ATRNL1: variants seen among roughly 807,000 people sequenced by gnomAD.
ATRNL1 encodes the protein attractin-like protein 1.
Under a neutral mutation model 182.7 loss-of-function variants are expected in ATRNL1, and 95 were observed. That is an observed-to-expected ratio of 0.52 (90% CI 0.44 to 0.62). The LOEUF (loss-of-function observed/expected upper bound fraction) is 0.62. ATRNL1 is among the 20% of genes least tolerant of loss of function. ATRNL1 has a pLI of 0.00. For missense variants in ATRNL1, 1,471 were observed against 1,679.5 expected (o/e 0.88, Z 2.17); for synonymous variants, 576 against 568.3 (o/e 1.01, Z -0.19).
In ATRNL1 at chr10:115,093,743, C is replaced by G; in HGVS notation, c.-8C>G. The G allele has an allele frequency of 1.4e-6, 2 of 1,413,278 alleles. No homozygotes were observed. The highest frequency in any genetic ancestry group is 9.2e-7 in the Non-Finnish European group (1 of 1,090,996). The allele number at this position is 1,413,278 out of a possible 1,614,324, so 87.5% of individuals were successfully genotyped here. On this transcript the variant is annotated 5_prime_UTR_variant, in exon 1 of 29. Coordinates refer to ENST00000355044, the MANE Select transcript of ATRNL1 (RefSeq NM_207303.4). The surrounding 1 kb of genome is among the most constrained non-coding windows in gnomAD (Gnocchi z 6.1). The stretch of plus-strand genomic sequence containing the variant: ...GCGCAGTCTCGCCGGGCAGGGGCGC[C>G]GGGGAAGATGGAGACTGGGGGCCGG...
chr10:115,942,098 C>T (rs1953748367), intron 28 of ATRNL1, among the ~76,000 whole-genome samples: 1 of 152,198 alleles, frequency 6.6e-6, no homozygotes, highest in African/African-American at 2.4e-5. Context: ...TCCTTGCTAA[C>T]ACCATAAATT....
chr10:115,174,154 T>A (rs1159720346), intron 8 of ATRNL1, among the ~76,000 whole-genome samples: 2 of 151,920 alleles, frequency 1.3e-5, no homozygotes, highest in African/African-American at 2.4e-5. Context: ...CTGTTTTGGT[T>A]TCACTTGATT....
chr10:115,909,440 C>T (rs1257570013), intron 28 of ATRNL1: 5 of 152,272 alleles, frequency 3.3e-5, no homozygotes, highest in Admixed American at 2.0e-4. Context: ...CTCAGGATAG[C>T]TCTACAGGGC....
At chr10:115,603,920 T>G (rs183470835) in intron 26 of ATRNL1, among the ~76,000 whole-genome samples, 2 of 152,306 alleles carry the variant, frequency 1.3e-5, no homozygotes, top group Admixed American at 1.3e-4. Context: ...TTACTGATTA[T>G]AGAATTCTAG....
chr10:115,596,867 A>G (rs1856275156), intron 26 of ATRNL1, among the ~76,000 whole-genome samples: 1 of 152,204 alleles, frequency 6.6e-6, no homozygotes, highest in African/African-American at 2.4e-5. Context: ...TTTATCAAAT[A>G]GGACTAGTTA....
At chr10:115,214,661 T>A (rs1849161864) in intron 8 of ATRNL1, among the ~76,000 whole-genome samples, 1 of 152,126 alleles carries the variant, frequency 6.6e-6, no homozygotes, top group Admixed American at 6.6e-5. Flanking sequence ...ATGATGGAGA[T>A]GTGATCTATA....
intron 19 of ATRNL1, among the ~76,000 whole-genome samples, chr10:115,351,663 T>C (rs1856256532): frequency 1.3e-5 from 2 of 152,190 alleles, no homozygotes; most frequent in East Asian, 3.8e-4. Context: ...AATATGTTGT[T>C]GAAATCAGTT....
intron 1 of ATRNL1, among the ~76,000 whole-genome samples, chr10:115,110,226 T>G (rs1844199501): frequency 1.3e-5 from 2 of 152,134 alleles, no homozygotes; most frequent in South Asian, 4.1e-4. Flanking sequence ...GTTATGTCAT[T>G]TGTCAAGAGG....
At chr10:115,396,526 A>G (rs1844297596) in intron 20 of ATRNL1, among the ~76,000 whole-genome samples, 1 of 151,952 alleles carries the variant, frequency 6.6e-6, no homozygotes, top group Non-Finnish European at 1.5e-5. Flanking sequence ...ATTCCCTGCA[A>G]TTATGTATAA....
At chr10:115,346,121 C>T (rs1855963006) in intron 19 of ATRNL1, among the ~76,000 whole-genome samples, 1 of 152,098 alleles carries the variant, frequency 6.6e-6, no homozygotes, top group Non-Finnish European at 1.5e-5. Flanking sequence ...ATAAAGTTTA[C>T]CATTTTAAAC....
At chr10:115,189,240 A>C (rs1159592270) in intron 8 of ATRNL1, among the ~76,000 whole-genome samples, 1 of 152,156 alleles carries the variant, frequency 6.6e-6, no homozygotes, top group Non-Finnish European at 1.5e-5. Flanking sequence ...ACATACAATT[A>C]TATATAGTAC....
chr10:115,115,569 T>C (rs560450519), intron 1 of ATRNL1, among the ~76,000 whole-genome samples: 1 of 152,092 alleles, frequency 6.6e-6, no homozygotes, highest in Non-Finnish European at 1.5e-5. Flanking sequence ...AAGGAATTAA[T>C]AAGCTGATAA....
intron 8 of ATRNL1, among the ~76,000 whole-genome samples, chr10:115,177,040 A>G (rs1406669585): frequency 6.6e-5 from 10 of 152,122 alleles, no homozygotes; most frequent in Admixed American, 6.5e-4. Context: ...ATTGAGCTAT[A>G]GGGTCCCCGA....
At position 115,547,242 on chromosome 10, in the gene ATRNL1, G is replaced by A. The variant is rs920940730; in HGVS notation, c.3717-2216G>A. Reference sequence around the variant, plus strand: ...TACACTTCAGCCTGGGTGACAGAGTGAGACTCCATCTCAAAAAAAAAATAT... The same window carrying A: ...TACACTTCAGCCTGGGTGACAGAGTAAGACTCCATCTCAAAAAAAAAATAT... On this transcript the variant is annotated intron_variant, in intron 25 of 28. Coordinates refer to ENST00000355044, the MANE Select transcript of ATRNL1 (RefSeq NM_207303.4). Among the ~76,000 whole-genome samples the A allele has an allele frequency of 9.7e-5, 14 of 143,732 alleles. No individual in the cohort carries two copies. The South Asian group carries it at 2.0e-3, about 20-fold the overall frequency. The allele number at this position is 143,732 out of a possible 152,430, so 94.3% of individuals were successfully genotyped here. A position where few individuals can be genotyped will look rare whatever the true frequency, so the allele number is the denominator to read the frequency against.
intron 26 of ATRNL1, among the ~76,000 whole-genome samples, chr10:115,657,791 C>T (rs1251110087): frequency 6.6e-6 from 1 of 152,060 alleles, no homozygotes; most frequent in East Asian, 1.9e-4. Context: ...GCTTTAAACA[C>T]TCTCCCTTTT....
intron 27 of ATRNL1, among the ~76,000 whole-genome samples, chr10:115,796,736 C>T (rs1383765818): frequency 6.6e-6 from 1 of 152,166 alleles, no homozygotes; most frequent in African/African-American, 2.4e-5. Flanking sequence ...GGCCAGTTGT[C>T]CTCCAAAGAG....
At chr10:115,150,764 T>G (rs559175998) in intron 5 of ATRNL1, among the ~76,000 whole-genome samples, 33 of 152,334 alleles carry the variant, frequency 2.2e-4, no homozygotes, top group African/African-American at 7.7e-4. Context: ...AGGACACATG[T>G]GTACAACTTG....
chr10:115,448,863 A>G (rs1554967150), intron 21 of ATRNL1, among the ~76,000 whole-genome samples: 1 of 151,822 alleles, frequency 6.6e-6, no homozygotes, highest in East Asian at 1.9e-4. Flanking sequence ...ACCAACAACA[A>G]CAACAACAAC....
chr10:115,567,110 A>G (rs1854117454), intron 26 of ATRNL1, among the ~76,000 whole-genome samples: 1 of 152,162 alleles, frequency 6.6e-6, no homozygotes, highest in Non-Finnish European at 1.5e-5. Context: ...CTGGGTAAAC[A>G]ACTGTTGCAT....
Sources: gnomAD v4.1 joint callset for allele counts (sites outside exome capture counted in the v4.1 genomes callset) on GRCh38, gnomAD v4.1.1 for gene constraint, Gnocchi (gnomAD v3.1) non-coding constraint, MANE v1.5 for transcripts, NCBI Gene and HGNC (gene_info 2026-07-23, HGNC 2026-07-21) for gene names.